The following BCL3 variants were observed in gnomAD, a reference collection of about 807,000 sequenced individuals.
BCL3 encodes B-cell lymphoma 3 protein.
In BCL3, 15 loss-of-function variants were observed where a neutral mutation model predicts 35.7. The observed-to-expected ratio is 0.42, with a 90% CI of 0.28 to 0.65. The LOEUF (loss-of-function observed/expected upper bound fraction) is 0.65, where lower values mean the gene tolerates loss of function less well. Among genes scored for constraint, BCL3 ranks in the 30% least tolerant of loss-of-function variants. BCL3 has a pLI of 0.22. For synonymous variants in BCL3, 311 were observed against 284.3 expected (o/e 1.09, Z -0.95); for missense variants, 565 against 641.7 (o/e 0.88, Z 1.29).
Position 44,757,142 on chromosome 19 carries a change from C to T in BCL3, c.645C>T (p.His215=). 1 of 1,593,028 alleles carries T rather than the reference C, an allele frequency of 6.3e-7. No individual in the cohort carries two copies. The highest frequency in any genetic ancestry group is 8.5e-7 in the Non-Finnish European group (1 of 1,170,398). The change falls in exon 4 of 9, where the codon CAC becomes CAT. Residue 215 remains histidine, a synonymous_variant. Transcript: ENST00000164227. The surrounding 1 kb of genome is among the most constrained non-coding windows in gnomAD (Gnocchi z 8.4). ...GQTAAHLACE[H]RSPTCLRALL... is the part of the protein sequence containing the mutation. ...CGGCCGCTCACCTGGCGTGCGAGCA[C>T]CGCAGCCCGACCTGCCTGCGAGCCC...
chr19:44,748,730 G>T lies in BCL3; in HGVS notation c.-61G>T, dbSNP rs994458715. 3 of 1,069,566 alleles carry T rather than the reference G, an allele frequency of 2.8e-6. No individual in the cohort carries two copies. The African/African-American group carries it at 5.1e-5, about 18-fold the overall frequency. The allele number at this position is 1,069,566 out of a possible 1,614,324, so 66.3% of individuals were successfully genotyped here. On this transcript the variant is annotated 5_prime_UTR_variant, in exon 1 of 9. Coordinates refer to ENST00000164227, the MANE Select transcript of BCL3 (RefSeq NM_005178.5). Reference sequence around the variant, plus strand: ...TGCAGGGGAAGTCCCGGCGCCCGGCGAAACCACCCTCCCGTGCAGCCGAGC... The same window carrying T: ...TGCAGGGGAAGTCCCGGCGCCCGGCTAAACCACCCTCCCGTGCAGCCGAGC...
chr19:44,759,589 C>A lies in BCL3; in HGVS notation c.1339C>A (p.Pro447Thr). The change falls in exon 9 of 9, where the codon CCC becomes ACC. Residue 447 changes from proline (P) to threonine (T), a missense_variant. Coordinates refer to ENST00000164227, the MANE Select transcript of BCL3 (RefSeq NM_005178.5). ...VLRGPGRPVP[P>T]SPAPGGS is the part of the protein sequence containing the mutation. ...CCGAGGCCCTGGCCGGCCGGTGCCC[C>A]CCTCCCCAGCTCCAGGAGGCAGCTG... 6.2e-7 allele frequency: 1 copy of A among 1,607,544 alleles called. No individual in the cohort carries two copies. The highest frequency in any genetic ancestry group is 8.5e-7 in the Non-Finnish European group (1 of 1,178,642).
rs1227909871 is a variant in BCL3 at position 44,759,512 on chromosome 19, TCTTC to T, written c.1272_1275del (p.Ser425HisfsTer56). The T allele has an allele frequency of 1.2e-6, 2 of 1,612,952 alleles. No individual in the cohort carries two copies. Among genetic ancestry groups the T allele is most frequent in the East Asian group, 2.2e-5 (1 of 44,704 alleles). On this transcript the variant is annotated frameshift_variant, in exon 9 of 9. Coordinates refer to ENST00000164227, the MANE Select transcript of BCL3 (RefSeq NM_005178.5). LOFTEE classifies it high-confidence loss of function. Reference sequence around the variant, plus strand: ...GGATTCCCCATGGCTCCTCCCAATTTCTTCCTTCCTTCCCCATCTCCACCCGCCT... The same window carrying T: ...GGATTCCCCATGGCTCCTCCCAATTTCTTCCTTCCCCATCTCCACCCGCCT...
chr19:44,757,468 C>A lies in BCL3; in HGVS notation c.813+53C>A. ...AGCGGGGCCTTAGCAGGGGCGGGGT[C>A]TTGGCGGGGGCGGGGCCAGTGTGGG... On this transcript the variant is annotated intron_variant, in intron 5 of 8. Transcript: ENST00000164227. This position sits in a 1 kb window ranked among gnomAD's most constrained non-coding sequence, Gnocchi z 8.4. 20 of 498,494 alleles carry A rather than the reference C, an allele frequency of 4.0e-5. No individual in the cohort carries two copies. The highest frequency in any genetic ancestry group is 5.7e-5 in the Non-Finnish European group (17 of 299,952). 30.9% of individuals were successfully genotyped at this position (498,494 alleles called of 1,614,324 possible).
intron 1 of BCL3, among the ~76,000 whole-genome samples, chr19:44,749,903 C>T (rs1232907003): frequency 6.6e-6 from 1 of 152,098 alleles, no homozygotes; most frequent in African/African-American, 2.4e-5. Context: ...ATTGGAGATA[C>T]GAGGACCTGG....
At chr19:44,752,078 G>GCA (rs3138632) in intron 2 of BCL3, among the ~76,000 whole-genome samples, 7,165 of 145,854 alleles carry the variant, frequency 0.049, 268 homozygotes, top group African/African-American at 0.1. Context: ...CTCAAACCCA[G>GCA]CACACACACA....
Position 44,757,279 on chromosome 19 carries a change from G to A in BCL3, c.725-48G>A, listed in dbSNP as rs568970988. 77 of 1,563,440 alleles carry A rather than the reference G, an allele frequency of 4.9e-5. No homozygotes were observed. The South Asian group carries it at 6.3e-4, about 13-fold the overall frequency. On this transcript the variant is annotated intron_variant, in intron 4 of 8. Transcript: ENST00000164227. This position sits in a 1 kb window ranked among gnomAD's most constrained non-coding sequence, Gnocchi z 8.4. Reference sequence around the variant, plus strand: ...TCCAGCGGACCTGGAGTCCATCAGCGGCCGCAAAGCCCGGGCCTAGGTTTC... The same window carrying A: ...TCCAGCGGACCTGGAGTCCATCAGCAGCCGCAAAGCCCGGGCCTAGGTTTC...
intron 2 of BCL3, among the ~76,000 whole-genome samples, chr19:44,754,389 TC>T (rs980457141): frequency 2.6e-5 from 4 of 151,994 alleles, no homozygotes; most frequent in African/African-American, 9.7e-5. Flanking sequence ...GGCACTCCCT[TC>T]CCCCGCCCCA....
rs1967252143 is a variant in BCL3 at position 44,754,865 on chromosome 19, C to CA, written c.411-1366dup. 2.6e-5 allele frequency among the ~76,000 whole-genome samples: 4 copies of CA among 152,282 alleles called. No homozygotes were observed. In the South Asian group the frequency reaches 6.2e-4, roughly 24 times the overall value. The stretch of plus-strand genomic sequence containing the variant: ...GAAAACTGAGGCTCCGAAAGGCCCC[C>CA]ATGGCTTTGCCCTAGCACGCGGCTA... On this transcript the variant is annotated intron_variant, in intron 2 of 8. Transcript: ENST00000164227.
intron 8 of BCL3, 81 bp downstream of exon 8, chr19:44,758,922 C>A: frequency 8.1e-7 from 1 of 1,237,596 alleles, no homozygotes; most frequent in Non-Finnish European, 1.1e-6. Context: ...CCTCCTCCCT[C>A]AGATCCAGGA....
In BCL3 at chr19:44,750,421, C is replaced by T. The variant is rs527821306; in HGVS notation, c.257-806C>T. Among the ~76,000 whole-genome samples, 7 of 152,228 alleles carry T rather than the reference C, an allele frequency of 4.6e-5. 1 individual carries two copies. Among genetic ancestry groups the T allele is most frequent in the Admixed American group, 4.6e-4 (7 of 15,284 alleles). On this transcript the variant is annotated intron_variant, in intron 1 of 8. Coordinates refer to ENST00000164227, the MANE Select transcript of BCL3 (RefSeq NM_005178.5). ...TCAGGGGATTCTTGTGCCTCAGCCT[C>T]CCGAGTAGCTGGGATTACAGGCATG...
intron 6 of BCL3, 139 bp from the exon 7 acceptor site, chr19:44,758,107 C>T: frequency 1.1e-6 from 1 of 915,122 alleles, no homozygotes; most frequent in Non-Finnish European, 1.5e-6. Context: ...CTGCCCTTGG[C>T]TCTCGCTCCT....
At position 44,758,799 on chromosome 19, in the gene BCL3, G is replaced by A. The variant is rs780724242; in HGVS notation, c.1135G>A (p.Ala379Thr). The A allele has an allele frequency of 1.2e-6, 2 of 1,607,838 alleles. No individual in the cohort carries two copies. The highest frequency in any genetic ancestry group is 1.1e-5 in the South Asian group (1 of 90,082). ...GCCAGACCCCTCCCCTGACCGGAGC[G>A]CCAACACCTCCCCCGAGAGCAGCAG... Reference protein sequence around the residue: ...SQPDPSPDRSANTSPESSSRL... With the variant: ...SQPDPSPDRSTNTSPESSSRL... Residue 379 changes from alanine to threonine, a missense_variant, in exon 8 of 9, where the codon GCC becomes ACC. Coordinates refer to ENST00000164227, the MANE Select transcript of BCL3 (RefSeq NM_005178.5).
Position 44,751,461 on chromosome 19 carries a change from G to A in BCL3, c.410+81G>A, listed in dbSNP as rs1253118500. 4 of 1,403,260 alleles carry A rather than the reference G, an allele frequency of 2.9e-6. No homozygotes were observed. In the African/African-American group the frequency reaches 4.5e-5, roughly 16 times the overall value. 86.9% of individuals were successfully genotyped at this position (1,403,260 alleles called of 1,614,324 possible). ...AACACAGGGCCACTCAGCTCCCAGT[G>A]GACCTGAGTCAGAACTCGGTCTCCA... On this transcript the variant is annotated intron_variant, in intron 2 of 8. Coordinates refer to ENST00000164227, the MANE Select transcript of BCL3 (RefSeq NM_005178.5).
chr19:44,751,486 AC>A, intron 2 of BCL3, 106 bp downstream of exon 2: 1 of 1,230,702 alleles, frequency 8.1e-7, no homozygotes. Flanking sequence ...CTCGGTCTCC[AC>A]CACAGGCTGT....
chr19:44,752,162 G>A (rs1198969132), intron 2 of BCL3, among the ~76,000 whole-genome samples: 1 of 151,350 alleles, frequency 6.6e-6, no homozygotes, highest in African/African-American at 2.4e-5. Context: ...CTTACTATGT[G>A]GGTTCTACTG....
chr19:44,753,413 C>A lies in BCL3; in HGVS notation c.410+2033C>A, dbSNP rs559362838. 4.7e-4 allele frequency among the ~76,000 whole-genome samples: 72 copies of A among 152,330 alleles called. No homozygotes were observed. The Middle Eastern group carries it at 0.014, about 29-fold the overall frequency. On this transcript the variant is annotated intron_variant, in intron 2 of 8. Coordinates refer to ENST00000164227, the MANE Select transcript of BCL3 (RefSeq NM_005178.5). Reference sequence around the variant, plus strand: ...CACACCCTCCCTCTCCGACTCTCCCCCAAGGCAAACACTTCTGCCTCAGCT... The same window carrying A: ...CACACCCTCCCTCTCCGACTCTCCCACAAGGCAAACACTTCTGCCTCAGCT...
rs1483887657 is a variant in BCL3 at position 44,757,733 on chromosome 19, G to A, written c.891+10G>A. 1 of 1,612,900 alleles carries A rather than the reference G, an allele frequency of 6.2e-7. No homozygotes were observed. Among genetic ancestry groups the A allele is most frequent in the Non-Finnish European group, 8.5e-7 (1 of 1,179,330 alleles). On this transcript the variant is annotated intron_variant, in intron 6 of 8. Coordinates refer to ENST00000164227, the MANE Select transcript of BCL3 (RefSeq NM_005178.5). This position sits in a 1 kb window ranked among gnomAD's most constrained non-coding sequence, Gnocchi z 8.4. The stretch of plus-strand genomic sequence containing the variant: ...GCAGCTGCTGCTGCAGGTGCGTACA[G>A]CCCCCCTGAGCCTCGCGCCCACCCT...
At chr19:44,748,637 G>A (rs1044820903), upstream of BCL3, 3 of 956,774 alleles carry the variant, frequency 3.1e-6, no homozygotes, top group Admixed American at 1.7e-4. Context: ...GCCCCGGGGG[G>A]GCCGGGGGCG....
Sources: allele counts gnomAD v4.1 joint callset (sites outside exome capture counted in the v4.1 genomes callset), GRCh38; gene constraint gnomAD v4.1.1; non-coding constraint Gnocchi (gnomAD v3.1); transcripts MANE v1.5; gene names NCBI Gene and HGNC (gene_info 2026-07-23, HGNC 2026-07-21).